STXBP5: variants seen among roughly 807,000 people sequenced by gnomAD.
The protein encoded by STXBP5 is syntaxin binding protein 5, also known as syntaxin-binding protein 5.
In STXBP5, 50 loss-of-function variants were observed where a neutral mutation model predicts 152.4. The observed-to-expected ratio is 0.33, with a 90% CI of 0.26 to 0.42. The LOEUF (loss-of-function observed/expected upper bound fraction) is 0.42. Among genes scored for constraint, STXBP5 ranks in the 10% least tolerant of loss-of-function variants. STXBP5 has a pLI of 1.00. For synonymous variants in STXBP5, 492 were observed against 494.7 expected, an observed-to-expected ratio of 0.99 and a Z score of 0.07; for missense variants, 1,167 against 1,388.6, an observed-to-expected ratio of 0.84 and a Z score of 2.54.
chr6:147,267,196 T>C (rs1779935404), intron 7 of STXBP5, 29 bp downstream of exon 7: 1 of 1,549,528 alleles, frequency 6.5e-7, no homozygotes, highest in Non-Finnish European at 8.7e-7. Context: ...GTAAAAGCTA[T>C]GGTCATTTCT....
chr6:147,239,025 T>G, intron 3 of STXBP5, 145 bp from the exon 4 acceptor site: 1 of 648,674 alleles, frequency 1.5e-6, no homozygotes, highest in Non-Finnish European at 2.5e-6. Context: ...TGTTTTGAAT[T>G]TGAATGAGGC....
At chr6:147,272,857 T>G (rs181486854) in intron 7 of STXBP5, among the ~76,000 whole-genome samples, 1 of 152,192 alleles carries the variant, frequency 6.6e-6, no homozygotes, top group Non-Finnish European at 1.5e-5. Flanking sequence ...TGAGCTTTTG[T>G]TGCTTTGTAA....
At chr6:147,262,380 A>G (rs1371376018) in intron 6 of STXBP5, 27 bp downstream of exon 6, 33 of 1,345,460 alleles carry the variant, frequency 2.5e-5, no homozygotes, top group Non-Finnish European at 3.1e-5. Flanking sequence ...AAAATTATAT[A>G]TTAAATGCAC....
chr6:147,345,060 G>A (rs936578152), intron 21 of STXBP5, among the ~76,000 whole-genome samples: 10 of 152,164 alleles, frequency 6.6e-5, no homozygotes, highest in African/African-American at 2.4e-4. Flanking sequence ...GATTCTATGG[G>A]TATTTTCAGA....
chr6:147,209,984 G>T (rs188270687), intron 2 of STXBP5, among the ~76,000 whole-genome samples: 7 of 152,298 alleles, frequency 4.6e-5, no homozygotes, highest in Middle Eastern at 3.4e-3. Context: ...ATTCAGTTAG[G>T]AATCATAGTT....
chr6:147,205,657 A>G (rs1235408698), intron 1 of STXBP5, among the ~76,000 whole-genome samples: 2 of 152,194 alleles, frequency 1.3e-5, no homozygotes, highest in African/African-American at 4.8e-5. Context: ...ATTTTGGACC[A>G]TTGCAAACTT....
chr6:147,265,057 C>T (rs1779825176), intron 6 of STXBP5, among the ~76,000 whole-genome samples: 1 of 152,066 alleles, frequency 6.6e-6, no homozygotes, highest in African/African-American at 2.4e-5. Flanking sequence ...TCAACCCTTA[C>T]ATTTTATTCT....
intron 4 of STXBP5, among the ~76,000 whole-genome samples, chr6:147,259,367 ATCATTT>A (rs140046312): frequency 2.6e-5 from 4 of 152,320 alleles, no homozygotes; most frequent in Non-Finnish European, 5.9e-5. Context: ...GTACTATCAA[ATCATTT>A]TGTTTATACA....
chr6:147,382,265 C>T (rs1008978153), intron 26 of STXBP5, among the ~76,000 whole-genome samples: 3 of 151,882 alleles, frequency 2.0e-5, no homozygotes, highest in Non-Finnish European at 2.9e-5. Flanking sequence ...ATATAGCATG[C>T]CTACAATTTT....
chr6:147,372,406 CCTTTTTTTTTTTTTTTTTTTTTT>C (rs1562274994), intron 25 of STXBP5, among the ~76,000 whole-genome samples: 849 of 39,090 alleles, frequency 0.022, 135 homozygotes, highest in African/African-American at 0.029. Context: ...CCGTCCTTTT[CCTTTTTTTTTTTTTTTTTTTTTT>C]TTTTTTTTTT....
intron 4 of STXBP5, among the ~76,000 whole-genome samples, chr6:147,242,061 T>G (rs911107688): frequency 1.3e-5 from 2 of 152,102 alleles, no homozygotes; most frequent in Non-Finnish European, 2.9e-5. Flanking sequence ...TGTGTGTTAC[T>G]GTCCCTGAAG....
Position 147,359,280 on chromosome 6 carries a change from G to C in STXBP5, c.2502G>C (p.Gly834=), listed in dbSNP as rs1275406075. ...TCATTGCACTGAACCTTCCCCCAGG[G>C]GGAGAGCAAAGACTTCTTCAGCCAG... ...VLVIALNLPP[G]GEQRLLQPVI... is the part of the protein sequence containing the mutation. The change falls in exon 23 of 28, where the codon GGG becomes GGC. Residue 834 remains glycine (G), a synonymous_variant. Coordinates refer to ENST00000321680, the MANE Select transcript of STXBP5 (RefSeq NM_001127715.4). 6.2e-7 allele frequency: 1 copy of C among 1,613,958 alleles called. No homozygotes were observed. The highest frequency in any genetic ancestry group is 1.1e-5 in the South Asian group (1 of 91,062).
intron 9 of STXBP5, chr6:147,292,244 T>G (rs1340080668): frequency 2.2e-6 from 1 of 453,156 alleles, no homozygotes; most frequent in African/African-American, 2.0e-5. Context: ...TCCTTCCTTC[T>G]TTTTAGGGTT....
chr6:147,355,752 T>G (rs1735565457), intron 22 of STXBP5, among the ~76,000 whole-genome samples: 2 of 152,006 alleles, frequency 1.3e-5, no homozygotes, highest in Non-Finnish European at 2.9e-5. Flanking sequence ...AATAAAATGA[T>G]AAATGTAAAG....
chr6:147,327,278 TA>T lies in STXBP5; in HGVS notation c.2080+7del. The stretch of plus-strand genomic sequence containing the variant: ...GTAAATCTCGACAGCCTTCAGGAGG[TA>T]AAAAGAAAAGAAAAGAAAATTCTGA... On this transcript the variant is annotated splice_donor_region_variant and intron_variant, in intron 18 of 27. Coordinates refer to ENST00000321680, the MANE Select transcript of STXBP5 (RefSeq NM_001127715.4). 2 of 1,594,414 alleles carry T rather than the reference TA, an allele frequency of 1.3e-6. No individual in the cohort carries two copies. The highest frequency in any genetic ancestry group is 1.7e-4 in the Middle Eastern group (1 of 5,940).
At chr6:147,361,086 A>G (rs1281340758) in intron 23 of STXBP5, among the ~76,000 whole-genome samples, 1 of 152,112 alleles carries the variant, frequency 6.6e-6, no homozygotes, top group African/African-American at 2.4e-5. Context: ...CTCAGTTCTT[A>G]TTAGTAAATA....
rs1487607559 is a variant in STXBP5, at chr6:147,386,589, G to A, written c.*1834G>A. ...CTTTTCAAAAGTTTTTGAATTTATA[G>A]AAAGCACCAATGAATAACATATTTC... is the stretch of plus-strand genomic sequence containing the variant. On this transcript the variant is annotated 3_prime_UTR_variant, in exon 28 of 28. Coordinates refer to ENST00000321680, the MANE Select transcript of STXBP5 (RefSeq NM_001127715.4). 6.6e-6 allele frequency: 1 copy of A among 151,784 alleles called. No homozygotes were observed. Among genetic ancestry groups the A allele is most frequent in the Non-Finnish European group, 1.5e-5 (1 of 67,756 alleles). The allele number at this position is 151,784 out of a possible 1,614,324, so 9.4% of individuals were successfully genotyped here. A position where few individuals can be genotyped will look rare whatever the true frequency, so the allele number is the denominator to read the frequency against.
chr6:147,380,323 G>A lies in STXBP5; in HGVS notation c.3194-2455G>A, dbSNP rs1583018641. On this transcript the variant is annotated intron_variant, in intron 26 of 27. Coordinates refer to ENST00000321680, the MANE Select transcript of STXBP5 (RefSeq NM_001127715.4). Reference sequence around the variant, plus strand: ...ACTGGCATAAAGATACATAAATAGAGTTGAGACTCCAGAAATAAGCTTATA... The same window carrying A: ...ACTGGCATAAAGATACATAAATAGAATTGAGACTCCAGAAATAAGCTTATA... Among the ~76,000 whole-genome samples the A allele has an allele frequency of 3.3e-5, 5 of 151,580 alleles. 1 individual carries two copies. The highest frequency in any genetic ancestry group is 3.3e-4 in the Admixed American group (5 of 15,162).
In STXBP5 at chr6:147,264,397, A is replaced by G. The variant is rs561796794; in HGVS notation, c.630+2044A>G. On this transcript the variant is annotated intron_variant, in intron 6 of 27. Coordinates refer to ENST00000321680, the MANE Select transcript of STXBP5 (RefSeq NM_001127715.4). ...TACACGATTTCATTTGATCTTTTCA[A>G]CAAATTGTAAATTAGAAATTTCCCT... 3.9e-5 allele frequency among the ~76,000 whole-genome samples: 6 copies of G among 152,220 alleles called. No individual in the cohort carries two copies. In the East Asian group the frequency reaches 1.2e-3, roughly 29 times the overall value.
Sources: allele counts gnomAD v4.1 joint callset (sites outside exome capture counted in the v4.1 genomes callset), GRCh38; gene constraint gnomAD v4.1.1; transcripts MANE v1.5; gene names NCBI Gene and HGNC (gene_info 2026-07-23, HGNC 2026-07-21).